The following CXXC4 variants were observed in gnomAD, a reference collection of about 807,000 sequenced individuals.
CXXC4 encodes CXXC-type zinc finger protein 4.
A neutral mutation model predicts 20.5 loss-of-function variants in CXXC4; 5 were observed. The observed-to-expected ratio is 0.24, with a 90% CI of 0.13 to 0.51. The LOEUF (loss-of-function observed/expected upper bound fraction) is 0.51, where lower values mean the gene tolerates loss of function less well. Among genes scored for constraint, CXXC4 ranks in the 20% least tolerant of loss-of-function variants. CXXC4 has a pLI of 0.97. For missense variants in CXXC4, 419 were observed against 496.4 expected (o/e 0.84, Z 1.48); for synonymous variants, 250 against 216.4 (o/e 1.16, Z -1.36).
rs979790502 is a variant in CXXC4 at position 104,471,095 on chromosome 4, A to G, written c.*1227T>C. 1.3e-5 allele frequency: 2 copies of G among 152,066 alleles called. No homozygotes were observed. Among genetic ancestry groups the G allele is most frequent in the Non-Finnish European group, 2.9e-5 (2 of 67,966 alleles). 9.4% of individuals were successfully genotyped at this position (152,066 alleles called of 1,614,324 possible). On this transcript the variant is annotated 3_prime_UTR_variant, in exon 3 of 3. Coordinates refer to ENST00000394767, the MANE Select transcript of CXXC4 (RefSeq NM_025212.4). The stretch of plus-strand genomic sequence containing the variant: ...TTTACTGAAGGACCAGGGGAAGACC[A>G]CTAGTCCAACTGGGTGGCTATGAGA...
At chr4:104,475,064 A>T (rs1308222788) in intron 2 of CXXC4, 1 of 152,164 alleles carries the variant, frequency 6.6e-6, no homozygotes. Flanking sequence ...CGAGAAAAGC[A>T]GAAAAAAGGT....
chr4:104,494,315 C>G (rs530429710), intron 1 of CXXC4, among the ~76,000 whole-genome samples: 1 of 152,144 alleles, frequency 6.6e-6, no homozygotes, highest in East Asian at 1.9e-4. Context: ...TCTGGTCTAC[C>G]AGAGACATAG....
In CXXC4 at chr4:104,468,652, C is replaced by T. The variant is rs1214039041; in HGVS notation, c.*3670G>A. ...GAATCCCTCCTAATATAGTAGCTGT[C>T]TTTTATTCACTAGGAATACAGATCT... On this transcript the variant is annotated 3_prime_UTR_variant, in exon 3 of 3. Transcript: ENST00000394767. The T allele has an allele frequency of 6.6e-6, 1 of 150,670 alleles. No individual in the cohort carries two copies. The highest frequency in any genetic ancestry group is 2.4e-5 in the African/African-American group (1 of 41,024). 9.3% of individuals were successfully genotyped at this position (150,670 alleles called of 1,614,324 possible). A position where few individuals can be genotyped will look rare whatever the true frequency, so the allele number is the denominator to read the frequency against.
At chr4:104,493,902 A>C (rs1476700811) in intron 1 of CXXC4, among the ~76,000 whole-genome samples, 2 of 152,236 alleles carry the variant, frequency 1.3e-5, no homozygotes, top group African/African-American at 4.8e-5. Context: ...CATCACATTG[A>C]GTGGAGGGAA....
chr4:104,494,466 A>AG (rs1307807431), intron 1 of CXXC4: 1 of 152,156 alleles, frequency 6.6e-6, no homozygotes, highest in Non-Finnish European at 1.5e-5. Flanking sequence ...AACATTTAAG[A>AG]GAAAAAAAAG....
rs577460701 is a variant in CXXC4, at chr4:104,471,877, C to T, written c.*445G>A. ...CTGTTAATCTCCATAGATGCTCAGA[C>T]ATGATTGTCTCCTTGTGTCTAAACA... On this transcript the variant is annotated 3_prime_UTR_variant, in exon 3 of 3. Transcript: ENST00000394767. 1 of 152,660 alleles carries T rather than the reference C, an allele frequency of 6.6e-6. No individual in the cohort carries two copies. The highest frequency in any genetic ancestry group is 1.9e-4 in the East Asian group (1 of 5,184). The allele number at this position is 152,660 out of a possible 1,614,324, so 9.5% of individuals were successfully genotyped here.
chr4:104,489,456 G>A (rs1008356958), intron 2 of CXXC4, among the ~76,000 whole-genome samples: 3 of 152,042 alleles, frequency 2.0e-5, no homozygotes, highest in African/African-American at 7.2e-5. Context: ...CCTCTAAGCA[G>A]TACTCACAAT....
intron 2 of CXXC4, 90 bp from the exon 3 acceptor site, chr4:104,472,456 TTA>T: frequency 1.2e-6 from 1 of 859,126 alleles, no homozygotes; most frequent in South Asian, 1.6e-5. Flanking sequence ...AGCAATATTT[TTA>T]GTTACCAATG....
At chr4:104,472,791 C>T (rs540547191) in intron 2 of CXXC4, among the ~76,000 whole-genome samples, 9 of 152,052 alleles carry the variant, frequency 5.9e-5, no homozygotes, top group African/African-American at 1.9e-4. Flanking sequence ...GGCACAATCA[C>T]ATAATGAAGA....
chr4:104,489,024 T>G (rs902165951), intron 2 of CXXC4, among the ~76,000 whole-genome samples: 2 of 152,184 alleles, frequency 1.3e-5, no homozygotes, highest in Non-Finnish European at 2.9e-5. Context: ...GAACTGAATT[T>G]TAATTTCCCA....
chr4:104,471,999 T>A lies in CXXC4; in HGVS notation c.*323A>T. On this transcript the variant is annotated 3_prime_UTR_variant, in exon 3 of 3. Coordinates refer to ENST00000394767, the MANE Select transcript of CXXC4 (RefSeq NM_025212.4). ...ATGTACTTTGCAAAGATACATGATT[T>A]TACAGCAGGGGTTTACCCAAACTTA... 1 of 213,292 alleles carries A rather than the reference T, an allele frequency of 4.7e-6. No homozygotes were observed. The highest frequency in any genetic ancestry group is 9.2e-6 in the Non-Finnish European group (1 of 108,704). 13.2% of individuals were successfully genotyped at this position (213,292 alleles called of 1,614,324 possible).
At chr4:104,487,323 A>C (rs945377406) in intron 2 of CXXC4, among the ~76,000 whole-genome samples, 1 of 152,150 alleles carries the variant, frequency 6.6e-6, no homozygotes, top group African/African-American at 2.4e-5. Flanking sequence ...TGGTAGAGAA[A>C]CCAGATCTGT....
At chr4:104,487,672 G>A (rs1210573552) in intron 2 of CXXC4, among the ~76,000 whole-genome samples, 2 of 152,170 alleles carry the variant, frequency 1.3e-5, no homozygotes, top group Non-Finnish European at 2.9e-5. Context: ...CATTTGTAAT[G>A]ACTGCTTTGA....
intron 2 of CXXC4, among the ~76,000 whole-genome samples, chr4:104,486,718 T>C (rs13111612): frequency 0.48 from 72,782 of 151,980 alleles, 19,861 homozygotes; most frequent in Middle Eastern, 0.64. Flanking sequence ...TATCCATAGA[T>C]TTTTTTGTCA....
chr4:104,490,580 G>A (rs1043110181), intron 2 of CXXC4, among the ~76,000 whole-genome samples, 164 bp downstream of exon 2: 2 of 152,220 alleles, frequency 1.3e-5, no homozygotes, highest in African/African-American at 2.4e-5. Flanking sequence ...GGTGCGGGTG[G>A]TGGAGAGGCC....
At chr4:104,474,019 C>T (rs1046017353) in intron 2 of CXXC4, among the ~76,000 whole-genome samples, 2 of 151,878 alleles carry the variant, frequency 1.3e-5, no homozygotes, top group African/African-American at 4.8e-5. Context: ...GCTATCTGTA[C>T]TAAAATAATT....
intron 2 of CXXC4, among the ~76,000 whole-genome samples, chr4:104,473,098 T>C (rs570625818): frequency 6.6e-6 from 1 of 151,580 alleles, no homozygotes; most frequent in South Asian, 2.1e-4. Context: ...AAAGCTGATG[T>C]TCAAAATTCA....
chr4:104,486,687 A>C (rs1187322012), intron 2 of CXXC4, among the ~76,000 whole-genome samples: 1 of 152,158 alleles, frequency 6.6e-6, no homozygotes, highest in East Asian at 1.9e-4. Flanking sequence ...TTTCCATTTA[A>C]GACACAAAAC....
intron 2 of CXXC4, among the ~76,000 whole-genome samples, chr4:104,489,465 A>C (rs115535491): frequency 0.019 from 2,819 of 152,240 alleles, 50 homozygotes; most frequent in Non-Finnish European, 0.03. Flanking sequence ...AGTACTCACA[A>C]TTTTTAAAAG....
Sources: gnomAD v4.1 joint callset for allele counts (sites outside exome capture counted in the v4.1 genomes callset) on GRCh38, gnomAD v4.1.1 for gene constraint, MANE v1.5 for transcripts, NCBI Gene and HGNC (gene_info 2026-07-23, HGNC 2026-07-21) for gene names.